Variants in DAPK1 observed in about 807,000 individuals in gnomAD.
DAPK1 encodes the protein death-associated protein kinase 1.
DAPK1 carries 56 observed loss-of-function variants against 144.9 expected under a neutral mutation model. That is an observed-to-expected ratio of 0.39 (90% confidence interval 0.31 to 0.48). The LOEUF is 0.48. Among genes scored for constraint, DAPK1 ranks in the 20% least tolerant of loss-of-function variants. The pLI, the probability that DAPK1 is intolerant of heterozygous loss-of-function variation, is 0.95. For missense variants in DAPK1, 1,454 were observed against 1,875.4 expected, an observed-to-expected ratio of 0.78 and a Z score of 4.15; for synonymous variants, 690 against 749.0, an observed-to-expected ratio of 0.92 and a Z score of 1.29.
chr9:87,606,867 C>G (rs1305816220), intron 3 of DAPK1, among the ~76,000 whole-genome samples: 1 of 148,740 alleles, frequency 6.7e-6, no homozygotes, highest in Non-Finnish European at 1.5e-5. Context: ...AATCTTGGCA[C>G]AAGTGACATT....
chr9:87,671,974 G>A (rs933488683), intron 19 of DAPK1, among the ~76,000 whole-genome samples: 1 of 152,168 alleles, frequency 6.6e-6, no homozygotes, highest in African/African-American at 2.4e-5. Context: ...CTCCAGCTCC[G>A]CCACGCTCTA....
intron 2 of DAPK1, among the ~76,000 whole-genome samples, chr9:87,539,806 C>T (rs374072633): frequency 2.6e-5 from 4 of 152,110 alleles, no homozygotes; most frequent in South Asian, 2.1e-4. Context: ...CAGCTATTCA[C>T]GATGTCTGTC....
intron 18 of DAPK1, among the ~76,000 whole-genome samples, chr9:87,662,559 A>ATTTTTTTTTTTTTTTT: frequency 3.9e-5 from 1 of 25,568 alleles, no homozygotes; most frequent in African/African-American, 9.5e-5. Context: ...ATATATTCCT[A>ATTTTTTTTTTTTTTTT]GTTTTTTTTT....
At chr9:87,528,829 G>C (rs1169527773) in intron 2 of DAPK1, among the ~76,000 whole-genome samples, 6 of 137,556 alleles carry the variant, frequency 4.4e-5, no homozygotes, top group African/African-American at 1.4e-4. Context: ...CCGAGATCGC[G>C]CCACTGCACT....
intron 19 of DAPK1, 139 bp from the exon 20 acceptor site, chr9:87,681,265 T>TG (rs1327421058): frequency 7.5e-6 from 4 of 533,338 alleles, no homozygotes; most frequent in African/African-American, 6.5e-5. Flanking sequence ...GCAACAAGAG[T>TG]GAAACTCCGT....
chr9:87,702,964 T>C, intron 24 of DAPK1, 65 bp from the exon 25 acceptor site: 1 of 751,990 alleles, frequency 1.3e-6, no homozygotes, highest in South Asian at 1.5e-5. Flanking sequence ...TCCTTTCCAC[T>C]GTGGCTCTGC....
At chr9:87,668,529 A>T in intron 18 of DAPK1, 68 bp from the exon 19 acceptor site, 2 of 879,338 alleles carry the variant, frequency 2.3e-6, no homozygotes, top group South Asian at 2.6e-5. Context: ...GACCCACGGA[A>T]TTGGCGTATG....
intron 20 of DAPK1, among the ~76,000 whole-genome samples, chr9:87,683,510 TGAGA>T (rs941792061): frequency 8.6e-5 from 13 of 151,062 alleles, no homozygotes; most frequent in Middle Eastern, 3.2e-3. Context: ...GGGTGGGATA[TGAGA>T]GAGAGAGAGA....
intron 2 of DAPK1, among the ~76,000 whole-genome samples, chr9:87,571,665 C>T (rs1269668471): frequency 6.6e-6 from 1 of 152,206 alleles, no homozygotes; most frequent in Non-Finnish European, 1.5e-5. Flanking sequence ...TGCCAGCAGT[C>T]CACCTTCAGC....
At position 87,592,507 on chromosome 9, in the gene DAPK1, C is replaced by T. The variant is rs116630129; in HGVS notation, c.63-12447C>T. 4.3e-3 allele frequency among the ~76,000 whole-genome samples: 657 copies of T among 152,310 alleles called. 7 individuals are homozygous for T. The highest frequency in any genetic ancestry group is 0.015 in the African/African-American group (609 of 41,576). On this transcript the variant is annotated intron_variant, in intron 2 of 25. Coordinates refer to ENST00000408954, the MANE Select transcript of DAPK1 (RefSeq NM_004938.4). ...GCTTCAGGAGATACCAACTCCAAAC[C>T]GCATTCGCACAAATTGTATTTTATT...
rs138807626 is a variant in DAPK1, at chr9:87,620,452, G to A, written c.284+15277G>A. ...CTAAAGAACAGGCAGCACATCCTTC[G>A]GATCAGCTGTGTGCCTCTGATGGGC... On this transcript the variant is annotated intron_variant, in intron 3 of 25. Coordinates refer to ENST00000408954, the MANE Select transcript of DAPK1 (RefSeq NM_004938.4). Among the ~76,000 whole-genome samples, 39 of 152,144 alleles carry A rather than the reference G, an allele frequency of 2.6e-4. No homozygotes were observed. The East Asian group carries it at 4.3e-3, about 17-fold the overall frequency.
chr9:87,627,676 C>G (rs562132769), intron 3 of DAPK1, among the ~76,000 whole-genome samples: 13 of 152,234 alleles, frequency 8.5e-5, no homozygotes, highest in African/African-American at 2.9e-4. Flanking sequence ...CCAGGAATGT[C>G]CATCTGTTTC....
At chr9:87,690,230 A>C (rs1281145952) in intron 21 of DAPK1, among the ~76,000 whole-genome samples, 1 of 151,784 alleles carries the variant, frequency 6.6e-6, no homozygotes, top group Non-Finnish European at 1.5e-5. Context: ...TCTTTGGTTA[A>C]ATTTATTCCT....
At chr9:87,655,247 C>T (rs1056325613) in intron 17 of DAPK1, among the ~76,000 whole-genome samples, 5 of 152,154 alleles carry the variant, frequency 3.3e-5, no homozygotes, top group African/African-American at 1.2e-4. Context: ...GCATCTCTGC[C>T]CCCGCAGACA....
intron 3 of DAPK1, among the ~76,000 whole-genome samples, chr9:87,631,093 G>C (rs1339879038): frequency 3.9e-5 from 6 of 152,136 alleles, no homozygotes; most frequent in Non-Finnish European, 8.8e-5. Context: ...TAGGAGCCAG[G>C]CCTCGAAGGT....
At chr9:87,628,716 A>C (rs760834694) in intron 3 of DAPK1, among the ~76,000 whole-genome samples, 4 of 152,246 alleles carry the variant, frequency 2.6e-5, no homozygotes, top group Non-Finnish European at 5.9e-5. Context: ...TGTATACACC[A>C]GGATAGTTAC....
At chr9:87,676,354 C>A (rs531383181) in intron 19 of DAPK1, among the ~76,000 whole-genome samples, 1 of 152,248 alleles carries the variant, frequency 6.6e-6, no homozygotes, top group African/African-American at 2.4e-5. Flanking sequence ...TAGATCATTA[C>A]GTGGATGAAA....
chr9:87,530,680 A>G (rs958378394), intron 2 of DAPK1, among the ~76,000 whole-genome samples: 6 of 152,212 alleles, frequency 3.9e-5, no homozygotes, highest in African/African-American at 9.6e-5. Context: ...AAACCCCACC[A>G]TCTAGGGAAT....
At chr9:87,614,523 G>A (rs919384089) in intron 3 of DAPK1, among the ~76,000 whole-genome samples, 1 of 152,166 alleles carries the variant, frequency 6.6e-6, no homozygotes, top group Non-Finnish European at 1.5e-5. Flanking sequence ...CTGGGGTGGT[G>A]CAGGTCCTGC....
Sources: allele counts gnomAD v4.1 joint callset (sites outside exome capture counted in the v4.1 genomes callset), GRCh38; gene constraint gnomAD v4.1.1; transcripts MANE v1.5; gene names NCBI Gene and HGNC (gene_info 2026-07-23, HGNC 2026-07-21).